GARRE1: variants seen among roughly 807,000 people sequenced by gnomAD.
The protein encoded by GARRE1 is granule associated Rac and RHOG effector 1.
In GARRE1, 49 loss-of-function variants were observed where a neutral mutation model predicts 103.2. That is an observed-to-expected ratio of 0.47 (90% CI 0.38 to 0.60). GARRE1 has a LOEUF of 0.60. GARRE1 is among the 20% of genes least tolerant of loss of function. GARRE1 has a pLI of 0.00. For missense variants in GARRE1, 1,199 were observed against 1,370.5 expected, an observed-to-expected ratio of 0.87 and a Z score of 1.98; for synonymous variants, 505 against 532.8, an observed-to-expected ratio of 0.95 and a Z score of 0.72.
intron 2 of GARRE1, among the ~76,000 whole-genome samples, chr19:34,301,836 C>T (rs1316053577): frequency 2.6e-5 from 4 of 151,612 alleles, no homozygotes; most frequent in Admixed American, 2.0e-4. Flanking sequence ...GCACCCGCCA[C>T]CTCACCCGGC....
chr19:34,293,715 A>AACACACACACACACACAC (rs146336774), intron 1 of GARRE1, among the ~76,000 whole-genome samples: 3,331 of 100,434 alleles, frequency 0.033, 150 homozygotes, highest in South Asian at 0.094. Context: ...TAAACATATA[A>AACACACACACACACACAC]ACACACACAC....
chr19:34,335,496 T>G (rs1024410401), intron 8 of GARRE1, among the ~76,000 whole-genome samples: 1 of 152,240 alleles, frequency 6.6e-6, no homozygotes, highest in African/African-American at 2.4e-5. Context: ...AAAATGGTAG[T>G]TGGGTAAGGC....
intron 2 of GARRE1, among the ~76,000 whole-genome samples, chr19:34,303,178 G>C (rs1377755294): frequency 6.6e-6 from 1 of 152,140 alleles, no homozygotes; most frequent in East Asian, 1.9e-4. Flanking sequence ...ATTCAACTTT[G>C]ATCTCTTATA....
chr19:34,312,190 T>C (rs2145252387), intron 2 of GARRE1, among the ~76,000 whole-genome samples: 1 of 152,262 alleles, frequency 6.6e-6, no homozygotes, highest in South Asian at 2.1e-4. Context: ...GGAAGACTAG[T>C]TAAGGGGCTA....
chr19:34,312,958 T>A (rs760021733), intron 2 of GARRE1, among the ~76,000 whole-genome samples: 3 of 152,096 alleles, frequency 2.0e-5, no homozygotes, highest in Non-Finnish European at 4.4e-5. Context: ...AATAAATAAA[T>A]AAAGGCTGAT....
intron 3 of GARRE1, among the ~76,000 whole-genome samples, chr19:34,327,123 C>G (rs980587007): frequency 6.6e-6 from 1 of 151,022 alleles, no homozygotes; most frequent in Admixed American, 6.6e-5. Flanking sequence ...CCACTACACT[C>G]CAGCCAGGGT....
At chr19:34,258,305 CG>C (rs1245381078) in intron 1 of GARRE1, among the ~76,000 whole-genome samples, 1 of 152,130 alleles carries the variant, frequency 6.6e-6, no homozygotes, top group Non-Finnish European at 1.5e-5. Flanking sequence ...CTCTTACCCC[CG>C]CTCCAAAACA....
At chr19:34,263,129 C>T (rs2073729233) in intron 1 of GARRE1, among the ~76,000 whole-genome samples, 1 of 152,134 alleles carries the variant, frequency 6.6e-6, no homozygotes, top group Non-Finnish European at 1.5e-5. Flanking sequence ...AGGAGAATTG[C>T]TTGAACCTGG....
intron 1 of GARRE1, among the ~76,000 whole-genome samples, chr19:34,284,314 A>G (rs988595208): frequency 6.6e-6 from 1 of 151,830 alleles, no homozygotes; most frequent in Admixed American, 6.6e-5. Context: ...TAGTAGAGAC[A>G]GGGTTTCACT....
chr19:34,287,354 A>C (rs2073893663), intron 1 of GARRE1, among the ~76,000 whole-genome samples: 1 of 152,062 alleles, frequency 6.6e-6, no homozygotes, highest in African/African-American at 2.4e-5. Context: ...ACAAGATCTC[A>C]CTATTTTGCC....
chr19:34,354,651 G>T lies in GARRE1; in HGVS notation c.*1696G>T, dbSNP rs1303283999. 6.6e-6 allele frequency: 1 copy of T among 152,000 alleles called. No homozygotes were observed. The highest frequency in any genetic ancestry group is 1.5e-5 in the Non-Finnish European group (1 of 68,008). The allele number at this position is 152,000 out of a possible 1,614,324, so 9.4% of individuals were successfully genotyped here. A position where few individuals can be genotyped will look rare whatever the true frequency, so the allele number is the denominator to read the frequency against. On this transcript the variant is annotated 3_prime_UTR_variant, in exon 14 of 14. Coordinates refer to ENST00000299505, the MANE Select transcript of GARRE1 (RefSeq NM_014686.5). The stretch of plus-strand genomic sequence containing the variant: ...TGTGCCACTGCACTCCAGCCTGGGT[G>T]ACAGAGTGAGATTCCGTCTCAACAA...
In GARRE1 at chr19:34,352,613, G is replaced by A. The variant is rs1008394549; in HGVS notation, c.2905-34G>A. The stretch of plus-strand genomic sequence containing the variant: ...GGTGGGAAATGATGATACATTGCCC[G>A]AAATGCCACTAAGAACTCTCTTTTG... On this transcript the variant is annotated intron_variant, in intron 13 of 13. Coordinates refer to ENST00000299505, the MANE Select transcript of GARRE1 (RefSeq NM_014686.5). The A allele has an allele frequency of 6.4e-6, 10 of 1,572,560 alleles. No individual in the cohort carries two copies. In the African/African-American group the frequency reaches 8.1e-5, roughly 13 times the overall value.
At chr19:34,343,731 C>G (rs1007005883) in intron 10 of GARRE1, among the ~76,000 whole-genome samples, 3 of 151,898 alleles carry the variant, frequency 2.0e-5, no homozygotes, top group African/African-American at 7.3e-5. Flanking sequence ...CCTGTAGTCC[C>G]AGCTCCTTGG....
At chr19:34,264,757 T>A (rs2073741488) in intron 1 of GARRE1, among the ~76,000 whole-genome samples, 2 of 152,178 alleles carry the variant, frequency 1.3e-5, no homozygotes, top group South Asian at 4.1e-4. Context: ...TGATATGATT[T>A]GTAAATGGTG....
chr19:34,283,356 T>C (rs1160440919), intron 1 of GARRE1, among the ~76,000 whole-genome samples: 1 of 152,192 alleles, frequency 6.6e-6, no homozygotes, highest in East Asian at 1.9e-4. Flanking sequence ...TTCTATTTGG[T>C]TCAAGGATTG....
chr19:34,279,877 T>C (rs1026919791), intron 1 of GARRE1, among the ~76,000 whole-genome samples: 20 of 145,346 alleles, frequency 1.4e-4, no homozygotes, highest in Admixed American at 6.3e-4. Context: ...CCCAGCTACT[T>C]GGGAGGCTGA....
At chr19:34,339,701 G>A (rs1368587851) in intron 8 of GARRE1, among the ~76,000 whole-genome samples, 166 bp from the exon 9 acceptor site, 4 of 152,224 alleles carry the variant, frequency 2.6e-5, no homozygotes, top group Admixed American at 1.3e-4. Flanking sequence ...TTGTGGGGCA[G>A]TGAGTTCCAG....
At chr19:34,271,110 G>A (rs1299828430) in intron 1 of GARRE1, among the ~76,000 whole-genome samples, 1 of 152,088 alleles carries the variant, frequency 6.6e-6, no homozygotes, top group East Asian at 1.9e-4. Context: ...TAGAATGTTT[G>A]GTTCCCTGGG....
rs555513232 is a variant in GARRE1, at chr19:34,306,312, A to G, written c.495+5344A>G. On this transcript the variant is annotated intron_variant, in intron 2 of 13. Coordinates refer to ENST00000299505, the MANE Select transcript of GARRE1 (RefSeq NM_014686.5). ...GCTCTGGATTCGAGAGTATTCAAATATTTGACCATTTAAGAGTTAGGACAA... is the reference window on the plus strand; with the variant it reads ...GCTCTGGATTCGAGAGTATTCAAATGTTTGACCATTTAAGAGTTAGGACAA... Among the ~76,000 whole-genome samples, 16 of 152,358 alleles carry G rather than the reference A, an allele frequency of 1.1e-4. No individual in the cohort carries two copies. The South Asian group carries it at 3.3e-3, about 32-fold the overall frequency.
Sources: allele counts gnomAD v4.1 joint callset (sites outside exome capture counted in the v4.1 genomes callset), GRCh38; gene constraint gnomAD v4.1.1; transcripts MANE v1.5; gene names NCBI Gene and HGNC (gene_info 2026-07-23, HGNC 2026-07-21).